Variants in PLCXD1 observed in about 807,000 individuals in gnomAD.
PLCXD1 encodes PI-PLC X domain-containing protein 1.
Under a neutral mutation model 37.8 loss-of-function variants are expected in PLCXD1, and 45 were observed. The ratio of observed to expected loss-of-function variants is 1.19; its 90% CI spans 0.94 to 1.53. The LOEUF is 1.53. Among genes scored for constraint, PLCXD1 ranks in the 40% most tolerant of loss-of-function variants. The probability of loss-of-function intolerance (pLI) is 0.00; values close to 1 mark genes in which losing one functional copy is unlikely to be tolerated. For missense variants in PLCXD1, 539 were observed against 454.7 expected (o/e 1.19, Z -1.69); for synonymous variants, 246 against 206.9 (o/e 1.19, Z -1.62).
intron 5 of PLCXD1, among the ~76,000 whole-genome samples, chrX:292,726 C>T (rs2069675848): frequency 6.6e-6 from 1 of 151,998 alleles, no homozygotes; most frequent in African/African-American, 2.4e-5. Context: ...GATTCTCCTA[C>T]CTCAGCCTTC....
chrX:283,609 TG>T (rs1184628777), intron 1 of PLCXD1: 1 of 31,664 alleles, frequency 3.2e-5, no homozygotes, highest in Non-Finnish European at 7.1e-5. Flanking sequence ...CAGGCCCGGG[TG>T]GGGGCGGCCG....
At chrX:294,309 C>G (rs1360459737) in intron 6 of PLCXD1, among the ~76,000 whole-genome samples, 1 of 152,080 alleles carries the variant, frequency 6.6e-6, no homozygotes, top group Non-Finnish European at 1.5e-5. Context: ...GGAGAAACCC[C>G]GTCTCTACTA....
chrX:283,073 G>GTA (rs2069327655), intron 1 of PLCXD1: 1 of 11,856 alleles, frequency 8.4e-5, no homozygotes. Flanking sequence ...GTGTATGTGT[G>GTA]TGTGTGTGTG....
At chrX:291,717 C>T (rs745308940) in intron 5 of PLCXD1, 63 bp downstream of exon 5, 3 of 1,547,366 alleles carry the variant, frequency 1.9e-6, no homozygotes, top group Admixed American at 3.3e-5. Context: ...GCCTCAGACT[C>T]CATTTGCTGT....
At chrX:296,149 C>G (rs1452433556) in intron 6 of PLCXD1, among the ~76,000 whole-genome samples, 4 of 150,372 alleles carry the variant, frequency 2.7e-5, no homozygotes, top group African/African-American at 9.8e-5. Context: ...GAGACAGAGT[C>G]TTGCTCTGTC....
intron 4 of PLCXD1, 112 bp downstream of exon 4, chrX:290,888 G>GGGAT (rs1569564522): frequency 1.7e-4 from 31 of 181,842 alleles, no homozygotes; most frequent in Middle Eastern, 1.8e-3. Context: ...GAGGCGGCCG[G>GGGAT]GCACTGGTGC....
intron 2 of PLCXD1, among the ~76,000 whole-genome samples, chrX:287,049 C>T (rs929378761): frequency 3.9e-5 from 6 of 151,948 alleles, no homozygotes; most frequent in South Asian, 2.1e-4. Flanking sequence ...GAAGGCCGGG[C>T]GTGGTGGCTC....
chrX:292,940 G>C lies in PLCXD1; in HGVS notation c.550-95G>C, dbSNP rs1428936502. On this transcript the variant is annotated intron_variant, in intron 5 of 6. Transcript: ENST00000381657. ...AATTTCATTTTTGGTTTATACTCGTGTTGGGCCGGTGTCCCGACTTCCCAG... is the reference window on the plus strand; with the variant it reads ...AATTTCATTTTTGGTTTATACTCGTCTTGGGCCGGTGTCCCGACTTCCCAG... The C allele has an allele frequency of 1.1e-5, 9 of 823,014 alleles. No homozygotes were observed. The South Asian group carries it at 1.4e-4, about 13-fold the overall frequency. 51.0% of individuals were successfully genotyped at this position (823,014 alleles called of 1,614,324 possible). A position where few individuals can be genotyped will look rare whatever the true frequency, so the allele number is the denominator to read the frequency against.
chrX:278,979 G>C (rs2069208180), upstream of PLCXD1, among the ~76,000 whole-genome samples: 1 of 152,148 alleles, frequency 6.6e-6, no homozygotes. Flanking sequence ...CATTCACTTG[G>C]GTGCAAGTGG....
rs375254259 is a variant in PLCXD1 at position 299,138 on chromosome X, C to T, written c.775C>T (p.Gln259Ter). 1.3e-5 allele frequency: 21 copies of T among 1,613,824 alleles called. No individual in the cohort carries two copies. Among genetic ancestry groups the T allele is most frequent in the Non-Finnish European group, 6.8e-6 (8 of 1,179,842 alleles). ...CGGCATCAACCTCACGGAGAACCTG[C>T]AGTACGTTCTGGCGCACCCGTCCGA... ...VAGINLTENL[Q>*]YVLAHPSESL... Residue 259 changes from glutamine (Q) to a stop codon, truncating the protein, a stop_gained, in exon 7 of 7, where the codon CAG becomes TAG. Coordinates refer to ENST00000381657, the MANE Select transcript of PLCXD1 (RefSeq NM_018390.4). LOFTEE classifies it high-confidence loss of function.
intron 6 of PLCXD1, among the ~76,000 whole-genome samples, chrX:293,688 C>A (rs1230787762): frequency 6.6e-6 from 1 of 152,162 alleles, no homozygotes; most frequent in Non-Finnish European, 1.5e-5. Flanking sequence ...GAATATTACA[C>A]AGCCATGAAA....
intron 5 of PLCXD1, among the ~76,000 whole-genome samples, chrX:292,731 G>C (rs992444370): frequency 1.3e-4 from 19 of 151,962 alleles, no homozygotes; most frequent in Non-Finnish European, 2.2e-4. Context: ...TCCTACCTCA[G>C]CCTTCTGACT....
At chrX:277,026 C>T (rs2069170393), upstream of PLCXD1, among the ~76,000 whole-genome samples, 1 of 152,164 alleles carries the variant, frequency 6.6e-6, no homozygotes, top group South Asian at 2.1e-4. Context: ...ACCGTGAAGG[C>T]CAGGGTGGAG....
rs1338431272 is a variant in PLCXD1 at position 300,227 on chromosome X, C to T, written c.*892C>T. Reference sequence around the variant, plus strand: ...TATTTCTGTATTCTCCTTGCTGTGGCGTCTGGAGCCCTTACAGACCCAGGG... The same window carrying T: ...TATTTCTGTATTCTCCTTGCTGTGGTGTCTGGAGCCCTTACAGACCCAGGG... On this transcript the variant is annotated 3_prime_UTR_variant, in exon 7 of 7. Transcript: ENST00000381657. 2 of 151,908 alleles carry T rather than the reference C, an allele frequency of 1.3e-5. No individual in the cohort carries two copies. Among genetic ancestry groups the T allele is most frequent in the East Asian group, 1.9e-4 (1 of 5,160 alleles). The allele number at this position is 151,908 out of a possible 1,614,324, so 9.4% of individuals were successfully genotyped here. A position where few individuals can be genotyped will look rare whatever the true frequency, so the allele number is the denominator to read the frequency against.
intron 4 of PLCXD1, 37 bp from the exon 5 acceptor site, chrX:291,462 A>G: frequency 6.2e-7 from 1 of 1,608,338 alleles, no homozygotes; most frequent in Non-Finnish European, 8.5e-7. Flanking sequence ...GTGGTGTTGG[A>G]GTCGTGCAGG....
rs2070055872 is a variant in PLCXD1, at chrX:302,719, GCC to G, written c.*3386_*3387del. The G allele has an allele frequency of 6.6e-6, 1 of 152,160 alleles. No individual in the cohort carries two copies. The highest frequency in any genetic ancestry group is 2.4e-5 in the African/African-American group (1 of 41,440). The allele number at this position is 152,160 out of a possible 1,614,324, so 9.4% of individuals were successfully genotyped here. A position where few individuals can be genotyped will look rare whatever the true frequency, so the allele number is the denominator to read the frequency against. ...CTCCCAAGTAGCTGGGATTGCAGGC[GCC>G]CGCCACCACGCCCGGATAATTTTTG... is the stretch of plus-strand genomic sequence containing the variant. On this transcript the variant is annotated 3_prime_UTR_variant, in exon 7 of 7. Coordinates refer to ENST00000381657, the MANE Select transcript of PLCXD1 (RefSeq NM_018390.4).
chrX:276,952 C>G (rs188479222), upstream of PLCXD1, among the ~76,000 whole-genome samples: 10 of 152,278 alleles, frequency 6.6e-5, no homozygotes, highest in East Asian at 1.6e-3. Flanking sequence ...GTGTAGGTGT[C>G]TCACCCCGCC....
At chrX:286,662 C>T (rs2069458824) in intron 2 of PLCXD1, among the ~76,000 whole-genome samples, 1 of 152,132 alleles carries the variant, frequency 6.6e-6, no homozygotes, top group African/African-American at 2.4e-5. Context: ...CATGTGTCAG[C>T]TAACAGAACA....
intron 2 of PLCXD1, among the ~76,000 whole-genome samples, chrX:285,289 T>C (rs1393535767): frequency 1.3e-5 from 2 of 152,050 alleles, no homozygotes; most frequent in East Asian, 3.9e-4. Context: ...CATACACACA[T>C]GGATGCACAT....
Sources: gnomAD v4.1 joint callset for allele counts (sites outside exome capture counted in the v4.1 genomes callset) on GRCh38, gnomAD v4.1.1 for gene constraint, MANE v1.5 for transcripts, NCBI Gene and HGNC (gene_info 2026-07-23, HGNC 2026-07-21) for gene names.